TRPC1: variants seen among roughly 807,000 people sequenced by gnomAD.
TRPC1 encodes short transient receptor potential channel 1.
TRPC1 carries 42 observed loss-of-function variants against 88.2 expected under a neutral mutation model. That is an observed-to-expected ratio of 0.48 (90% CI 0.37 to 0.62). TRPC1 has a LOEUF of 0.62. Ranked by LOEUF, TRPC1 falls within the 20% of genes least tolerant of loss-of-function variation. The pLI is 0.00. For synonymous variants in TRPC1, 288 were observed against 331.8 expected (o/e 0.87, Z 1.43); for missense variants, 699 against 957.3 (o/e 0.73, Z 3.56).
chr3:142,804,466 C>A lies in TRPC1; in HGVS notation c.1990C>A (p.Arg664=). Residue 664 remains arginine (R), a synonymous_variant, in exon 12 of 13, where the codon CGA becomes AGA. Coordinates refer to ENST00000476941, the MANE Select transcript of TRPC1 (RefSeq NM_001251845.2). ...TGAAGACAAAGAATGGAAGTTTGCT[C>A]GAGCAAAATTATGGCTTAGCTACTT... The part of the protein sequence containing the change: ...NHEDKEWKFA[R]AKLWLSYFDD... 2 of 1,610,756 alleles carry A rather than the reference C, an allele frequency of 1.2e-6. No individual in the cohort carries two copies. The highest frequency in any genetic ancestry group is 1.1e-5 in the South Asian group (1 of 89,984).
At chr3:142,737,039 T>C (rs1934162320) in intron 2 of TRPC1, among the ~76,000 whole-genome samples, 1 of 152,132 alleles carries the variant, frequency 6.6e-6, no homozygotes, top group Non-Finnish European at 1.5e-5. Context: ...TAAAGATGAA[T>C]GATTTTTATC....
At chr3:142,779,166 A>G (rs1935877703) in intron 5 of TRPC1, among the ~76,000 whole-genome samples, 1 of 152,218 alleles carries the variant, frequency 6.6e-6, no homozygotes, top group African/African-American at 2.4e-5. Flanking sequence ...TTTGGAAGCG[A>G]TCATAGAAAC....
rs1362646123 is a variant in TRPC1, at chr3:142,724,618, C to T, written c.59C>T (p.Pro20Leu). The T allele has an allele frequency of 6.2e-7, 1 of 1,611,766 alleles. No homozygotes were observed. The highest frequency in any genetic ancestry group is 8.5e-7 in the Non-Finnish European group (1 of 1,179,318). ...DLSGASSSSL[P>L]SSPSSSSPNE... is the part of the protein sequence containing the mutation. ...TCGGGCGCCTCCTCCTCCTCCCTGC[C>T]TTCCTCTCCATCCTCTTCCTCGCCG... Residue 20 changes from proline to leucine, a missense_variant, in exon 1 of 13, where the codon CCT becomes CTT. Pro to Leu is a moderately conservative substitution (Grantham distance 98, BLOSUM62 -3). Around this residue, in one of 4 missense-constraint regions of TRPC1, gnomAD observed 157 missense variants for 127.0 expected, o/e 1.24. Coordinates refer to ENST00000476941, the MANE Select transcript of TRPC1 (RefSeq NM_001251845.2). This position sits in a 1 kb window ranked among gnomAD's most constrained non-coding sequence, Gnocchi z 5.6.
chr3:142,736,476 A>T lies in TRPC1; in HGVS notation c.270A>T (p.Ile90=). 4 of 1,612,496 alleles carry T rather than the reference A, an allele frequency of 2.5e-6. No homozygotes were observed. Among genetic ancestry groups the T allele is most frequent in the Non-Finnish European group, 2.5e-6 (3 of 1,179,458 alleles). The change falls in exon 2 of 13, where the codon ATA becomes ATT. Residue 90 remains isoleucine, a synonymous_variant. Transcript: ENST00000476941. The part of the protein sequence containing the change: ...VDVLGRNAVT[I]TIENENLDIL... ...TGCTTGGGAGAAATGCTGTTACCAT[A>T]ACTATTGAAAACGAAAACTTGGATA...
At chr3:142,729,081 G>A (rs1416001990) in intron 1 of TRPC1, among the ~76,000 whole-genome samples, 1 of 152,214 alleles carries the variant, frequency 6.6e-6, no homozygotes, top group East Asian at 1.9e-4. Context: ...GTTTTACAAT[G>A]TAATAGTTGA....
At chr3:142,774,983 A>G (rs1469512316) in intron 4 of TRPC1, among the ~76,000 whole-genome samples, 1 of 152,226 alleles carries the variant, frequency 6.6e-6, no homozygotes, top group Non-Finnish European at 1.5e-5. Flanking sequence ...AAGTAGGTTA[A>G]TACAAAAGCC....
At chr3:142,747,729 T>C (rs1448152595) in intron 3 of TRPC1, among the ~76,000 whole-genome samples, 1 of 152,234 alleles carries the variant, frequency 6.6e-6, no homozygotes, top group Non-Finnish European at 1.5e-5. Context: ...TATGTAATGA[T>C]TGAAAATGTG....
chr3:142,777,887 ACTT>A, intron 5 of TRPC1, 124 bp downstream of exon 5: 1 of 1,076,578 alleles, frequency 9.3e-7, no homozygotes, highest in East Asian at 2.8e-5. Context: ...CCTTGTTGCC[ACTT>A]ACTTGGCAAC....
In TRPC1 at chr3:142,724,745, C is replaced by T. The variant is rs773021513; in HGVS notation, c.172+14C>T. 6.4e-7 allele frequency: 1 copy of T among 1,554,182 alleles called. No homozygotes were observed. Among genetic ancestry groups the T allele is most frequent in the Non-Finnish European group, 8.7e-7 (1 of 1,144,324 alleles). On this transcript the variant is annotated intron_variant, in intron 1 of 12. Transcript: ENST00000476941. This position sits in a 1 kb window ranked among gnomAD's most constrained non-coding sequence, Gnocchi z 5.6. ...CGTGCGACAAGGGTGAGAGTTAGGC[C>T]CCTTTCTCCTCTGGACGCCCCTGTC...
chr3:142,738,314 C>T (rs1016903347), intron 2 of TRPC1, among the ~76,000 whole-genome samples: 2 of 152,052 alleles, frequency 1.3e-5, no homozygotes, highest in African/African-American at 2.4e-5. Flanking sequence ...ATGTCCAGGG[C>T]CTTTGGTTGG....
intron 11 of TRPC1, 65 bp downstream of exon 11, chr3:142,804,243 A>G (rs909593016): frequency 3.6e-6 from 5 of 1,404,322 alleles, no homozygotes; most frequent in Admixed American, 1.8e-5. Flanking sequence ...ACAATAGATA[A>G]GATAGCCAAA....
chr3:142,739,655 A>G (rs1560094265), intron 2 of TRPC1, among the ~76,000 whole-genome samples: 1 of 152,328 alleles, frequency 6.6e-6, no homozygotes, highest in South Asian at 2.1e-4. Context: ...AGGGGATATC[A>G]TTACATGATT....
At chr3:142,748,515 AT>A in intron 4 of TRPC1, 55 bp downstream of exon 4, 1 of 1,564,458 alleles carries the variant, frequency 6.4e-7, no homozygotes, top group Non-Finnish European at 8.8e-7. Flanking sequence ...AACAATGTTG[AT>A]TTTTAAAATT....
At position 142,783,106 on chromosome 3, in the gene TRPC1, A is replaced by T. The variant is rs1286857151; in HGVS notation, c.961-1598A>T. 2.6e-5 allele frequency among the ~76,000 whole-genome samples: 4 copies of T among 152,232 alleles called. No individual in the cohort carries two copies. In the East Asian group the frequency reaches 5.8e-4, roughly 22 times the overall value. ...TTGATGATGGGAAGAAAGCGTGTCC[A>T]TCTTTCACTGCAGACTTAGAACATT... On this transcript the variant is annotated intron_variant, in intron 6 of 12. Coordinates refer to ENST00000476941, the MANE Select transcript of TRPC1 (RefSeq NM_001251845.2).
intron 9 of TRPC1, 87 bp from the exon 10 acceptor site, chr3:142,802,082 C>A: frequency 2.1e-6 from 2 of 938,282 alleles, no homozygotes; most frequent in Non-Finnish European, 3.0e-6. Context: ...ATGTGTTTGT[C>A]TTCTTCCTTT....
At position 142,748,295 on chromosome 3, in the gene TRPC1, C is replaced by G. The variant is rs772948472; in HGVS notation, c.467C>G (p.Thr156Arg). The G allele has an allele frequency of 6.2e-7, 1 of 1,613,900 alleles. No individual in the cohort carries two copies. The change falls in exon 4 of 13, where the codon ACA (threonine) becomes AGA (arginine). Residue 156 changes from threonine (T) to arginine (R), a missense_variant. Around this residue, in one of 4 missense-constraint regions of TRPC1, gnomAD observed 426 missense variants for 641.3 expected, o/e 0.66. Coordinates refer to ENST00000476941, the MANE Select transcript of TRPC1 (RefSeq NM_001251845.2). ...CGAATTCAGAATCCTGAGTATTCAA[C>G]AACTATGGATGTTGCACCTGTCATT... ...MERIQNPEYS[T>R]TMDVAPVILA...
At chr3:142,805,174 A>C (rs1160583832) in intron 12 of TRPC1, among the ~76,000 whole-genome samples, 1 of 150,342 alleles carries the variant, frequency 6.7e-6, no homozygotes, top group Non-Finnish European at 1.5e-5. Context: ...ACACACATAT[A>C]ATTATTAAGA....
intron 3 of TRPC1, among the ~76,000 whole-genome samples, chr3:142,746,782 C>T (rs80192916): frequency 0.012 from 1,836 of 151,482 alleles, 48 homozygotes; most frequent in East Asian, 0.091. Flanking sequence ...TGTTCATGGC[C>T]GGGAGGCGGA....
chr3:142,760,240 G>T (rs57026466), intron 4 of TRPC1, among the ~76,000 whole-genome samples: 46,957 of 152,018 alleles, frequency 0.31, 9,179 homozygotes, highest in African/African-American at 0.57. Flanking sequence ...AATCAGTTTT[G>T]ATTTAATTTT....
Sources: gnomAD v4.1 joint callset for allele counts (sites outside exome capture counted in the v4.1 genomes callset) on GRCh38, gnomAD v4.1.1 for gene constraint, gnomAD v4.1.1 regional missense constraint, Gnocchi (gnomAD v3.1) non-coding constraint, MANE v1.5 for transcripts, NCBI Gene and HGNC (gene_info 2026-07-23, HGNC 2026-07-21) for gene names.